Variants in FAM228A observed in about 807,000 individuals in gnomAD.
FAM228A encodes the protein protein FAM228A.
In FAM228A, 13 loss-of-function variants were observed where a neutral mutation model predicts 18.6. That is an observed-to-expected ratio of 0.70 (90% CI 0.45 to 1.11). The LOEUF is 1.11. Among genes scored for constraint, FAM228A ranks in the 50% least tolerant of loss-of-function variants. The pLI is 0.00. For synonymous variants in FAM228A, 77 were observed against 86.6 expected (o/e 0.89, Z 0.61); for missense variants, 240 against 242.2 (o/e 0.99, Z 0.06).
intron 3 of FAM228A, among the ~76,000 whole-genome samples, chr2:24,182,839 G>A (rs1445382344): frequency 1.3e-5 from 2 of 152,126 alleles, no homozygotes; most frequent in East Asian, 1.9e-4. Context: ...CTTAACAGAA[G>A]TGCGTCTCTT....
rs1668078892 is a variant in FAM228A at position 24,191,295 on chromosome 2, C to T, written c.*664C>T. Reference sequence around the variant, plus strand: ...CAGGACCTGACAGCGTCACTCCCACCCTCACCACCACACACACAGGATGGG... The same window carrying T: ...CAGGACCTGACAGCGTCACTCCCACTCTCACCACCACACACACAGGATGGG... On this transcript the variant is annotated 3_prime_UTR_variant, in exon 6 of 6. Transcript: ENST00000295150. 3 of 985,706 alleles carry T rather than the reference C, an allele frequency of 3.0e-6. No homozygotes were observed. Among genetic ancestry groups the T allele is most frequent in the African/African-American group, 3.5e-5 (2 of 57,358 alleles). The allele number at this position is 985,706 out of a possible 1,614,324, so 61.1% of individuals were successfully genotyped here. A position where few individuals can be genotyped will look rare whatever the true frequency, so the allele number is the denominator to read the frequency against.
rs1667658972 is a variant in FAM228A, at chr2:24,175,521, G to C, written c.41G>C (p.Arg14Thr). The change falls in exon 2 of 6, where the codon AGG becomes ACG. Residue 14 changes from arginine to threonine, a missense_variant. Transcript: ENST00000295150. ...TKTASYDEHF[R>T]PEKLREWPEP... ...ACTGCGAGTTATGATGAACATTTCA[G>C]GCCAGAAAAGTTAAGAGAATGGCCG... 1.2e-6 allele frequency: 2 copies of C among 1,614,104 alleles called. No individual in the cohort carries two copies. The highest frequency in any genetic ancestry group is 1.7e-6 in the Non-Finnish European group (2 of 1,180,046).
rs1228056229 is a variant in FAM228A, at chr2:24,191,226, C to T, written c.*595C>T. On this transcript the variant is annotated 3_prime_UTR_variant, in exon 6 of 6. Coordinates refer to ENST00000295150, the MANE Select transcript of FAM228A (RefSeq NM_001040710.3). ...GCCCTGAGGCCTGAGGCGCAGGACC[C>T]TCCCAGGGAAGGCCTAGGGGGCTTG... 3 of 985,628 alleles carry T rather than the reference C, an allele frequency of 3.0e-6. No individual in the cohort carries two copies. Among genetic ancestry groups the T allele is most frequent in the African/African-American group, 3.5e-5 (2 of 57,366 alleles). 61.1% of individuals were successfully genotyped at this position (985,628 alleles called of 1,614,324 possible). A position where few individuals can be genotyped will look rare whatever the true frequency, so the allele number is the denominator to read the frequency against.
At chr2:24,178,321 T>A (rs1444535957) in intron 3 of FAM228A, among the ~76,000 whole-genome samples, 1 of 152,090 alleles carries the variant, frequency 6.6e-6, no homozygotes, top group African/African-American at 2.4e-5. Context: ...TAATAATACT[T>A]TGGGAGGCTG....
Position 24,183,579 on chromosome 2 carries a change from A to G in FAM228A, c.335A>G (p.His112Arg), listed in dbSNP as rs573409994. 1.9e-6 allele frequency: 3 copies of G among 1,614,102 alleles called. No individual in the cohort carries two copies. Among genetic ancestry groups the G allele is most frequent in the South Asian group, 2.2e-5 (2 of 91,064 alleles). ...ASSPYFTFTS[H>R]CVIPKEWHKA... The stretch of plus-strand genomic sequence containing the variant: ...TCGCCCTACTTCACTTTCACTTCAC[A>G]CTGTGTGATTCCAAAAGAGTGGCAT... Residue 112 changes from histidine (H) to arginine (R), a missense_variant, in exon 5 of 6, where the codon CAC becomes CGC. Transcript: ENST00000295150.
In FAM228A at chr2:24,177,839, C is replaced by A; in HGVS notation, c.131C>A (p.Ala44Glu). Residue 44 changes from alanine (A) to glutamate (E), a missense_variant, in exon 3 of 6, where the codon GCA (alanine) becomes GAA (glutamate). Ala to Glu is a moderately radical substitution (Grantham distance 107). Coordinates refer to ENST00000295150, the MANE Select transcript of FAM228A (RefSeq NM_001040710.3). ...AREDIDEAVC[A>E]ILFKENSIVK... ...GAAGACATTGATGAAGCAGTATGTG[C>A]AATATTATTTAAAGAAAATTCCATT... 1 of 1,601,520 alleles carries A rather than the reference C, an allele frequency of 6.2e-7. No individual in the cohort carries two copies. The highest frequency in any genetic ancestry group is 8.5e-7 in the Non-Finnish European group (1 of 1,170,524).
intron 3 of FAM228A, among the ~76,000 whole-genome samples, chr2:24,181,306 C>T (rs1342932786): frequency 5.9e-5 from 9 of 152,144 alleles, no homozygotes; most frequent in African/African-American, 1.9e-4. Context: ...TGATTTTTCC[C>T]TTAAGTATAT....
chr2:24,179,895 T>G (rs1358768236), intron 3 of FAM228A, among the ~76,000 whole-genome samples: 1 of 152,288 alleles, frequency 6.6e-6, no homozygotes, highest in Admixed American at 6.5e-5. Flanking sequence ...CACTGTGGCT[T>G]TCTCATCTCT....
chr2:24,186,341 T>A (rs1667949775), intron 5 of FAM228A, among the ~76,000 whole-genome samples: 1 of 152,176 alleles, frequency 6.6e-6, no homozygotes, highest in South Asian at 2.1e-4. Context: ...ATTTCTTGTT[T>A]TCCATTCCTT....
At chr2:24,180,868 T>C (rs1370028772) in intron 3 of FAM228A, among the ~76,000 whole-genome samples, 1 of 152,198 alleles carries the variant, frequency 6.6e-6, no homozygotes, top group Non-Finnish European at 1.5e-5. Context: ...GAGTTGAGTC[T>C]TGACACCACT....
At chr2:24,175,746 GTTTCCAGTC>G (rs1313719752) in intron 2 of FAM228A, 173 bp downstream of exon 2, 39 of 748,402 alleles carry the variant, frequency 5.2e-5, no homozygotes, top group Non-Finnish European at 7.6e-5. Flanking sequence ...GGCCAAGAGT[GTTTCCAGTC>G]GCCAGCCTGG....
At chr2:24,186,462 C>CT (rs1667952493) in intron 5 of FAM228A, among the ~76,000 whole-genome samples, 1 of 151,960 alleles carries the variant, frequency 6.6e-6, no homozygotes, top group Non-Finnish European at 1.5e-5. Context: ...AAAGGGAAAG[C>CT]TTTTGGTGTT....
intron 5 of FAM228A, chr2:24,188,335 C>A: frequency 3.3e-6 from 2 of 604,836 alleles, no homozygotes; most frequent in Non-Finnish European, 4.1e-6. Context: ...CCTAGGTGAT[C>A]AACCCATCAT....
chr2:24,185,183 A>G (rs1018482183), intron 5 of FAM228A, among the ~76,000 whole-genome samples: 4 of 152,048 alleles, frequency 2.6e-5, no homozygotes, highest in African/African-American at 9.7e-5. Context: ...TGCTTTTTGT[A>G]TGTATTTTAT....
rs1250652228 is a variant in FAM228A at position 24,190,960 on chromosome 2, C to T, written c.*329C>T. 9.4e-7 allele frequency: 1 copy of T among 1,061,906 alleles called. No homozygotes were observed. Among genetic ancestry groups the T allele is most frequent in the Non-Finnish European group, 1.1e-6 (1 of 879,246 alleles). The allele number at this position is 1,061,906 out of a possible 1,614,324, so 65.8% of individuals were successfully genotyped here. A position where few individuals can be genotyped will look rare whatever the true frequency, so the allele number is the denominator to read the frequency against. On this transcript the variant is annotated 3_prime_UTR_variant, in exon 6 of 6. Transcript: ENST00000295150. ...CCACTTTCCTACCATTTTCCACTTACTCCATCCAAACTGCACCAAAGATGG... is the reference window on the plus strand; with the variant it reads ...CCACTTTCCTACCATTTTCCACTTATTCCATCCAAACTGCACCAAAGATGG...
chr2:24,190,432 CA>C lies in FAM228A; in HGVS notation c.423del (p.Asp142ThrfsTer14), dbSNP rs1429954609. On this transcript the variant is annotated frameshift_variant, in exon 6 of 6. Transcript: ENST00000295150. LOFTEE classifies it low-confidence loss of function (END_TRUNC). ...YKYSPEKLIY[A>X]DKKQKRKEKK... ...CACAGTCCTGAAAAGCTCATCTATG[CA>C]GACAAGAAACAGAAAAGAAAAGAGA... 1 of 1,612,780 alleles carries C rather than the reference CA, an allele frequency of 6.2e-7. No homozygotes were observed. Among genetic ancestry groups the C allele is most frequent in the Non-Finnish European group, 8.5e-7 (1 of 1,179,698 alleles).
intron 5 of FAM228A, among the ~76,000 whole-genome samples, chr2:24,185,459 T>C (rs1667925687): frequency 6.6e-6 from 1 of 152,066 alleles, no homozygotes; most frequent in South Asian, 2.1e-4. Flanking sequence ...TACAAACAAA[T>C]AAAAAAGTAA....
rs1190956397 is a variant in FAM228A at position 24,180,050 on chromosome 2, T to C, written c.162+2180T>C. Among the ~76,000 whole-genome samples the C allele has an allele frequency of 6.6e-5, 10 of 152,318 alleles. No homozygotes were observed. The East Asian group carries it at 1.9e-3, about 29-fold the overall frequency. ...CTTAATTTAGAGATTTTTTTTTATT[T>C]TGAGGTCAGCTCTCAGAATTTGGGT... On this transcript the variant is annotated intron_variant, in intron 3 of 5. Transcript: ENST00000295150.
intron 3 of FAM228A, among the ~76,000 whole-genome samples, chr2:24,179,607 A>G (rs769834081): frequency 7.2e-5 from 11 of 152,218 alleles, no homozygotes; most frequent in Non-Finnish European, 1.6e-4. Context: ...TAACAATGTC[A>G]GGTTTTTTCC....
Sources: gnomAD v4.1 joint callset for allele counts (sites outside exome capture counted in the v4.1 genomes callset) on GRCh38, gnomAD v4.1.1 for gene constraint, MANE v1.5 for transcripts, NCBI Gene and HGNC (gene_info 2026-07-23, HGNC 2026-07-21) for gene names.